EIF2B4: variants seen among roughly 807,000 people sequenced by gnomAD.
The protein encoded by EIF2B4 is translation initiation factor eIF2B subunit delta.
In EIF2B4, 34 loss-of-function variants were observed where a neutral mutation model predicts 66.7. The observed-to-expected ratio is 0.51, with a 90% CI of 0.39 to 0.68. The LOEUF is 0.68. EIF2B4 is among the 30% of genes least tolerant of loss of function. EIF2B4 has a pLI of 0.00. For synonymous variants in EIF2B4, 278 were observed against 253.6 expected, an observed-to-expected ratio of 1.10 and a Z score of -0.92; for missense variants, 618 against 657.9, an observed-to-expected ratio of 0.94 and a Z score of 0.66.
At chr2:27,364,970 A>C (rs557347741) in intron 11 of EIF2B4, 72 bp from the exon 12 acceptor site, 1 of 1,468,926 alleles carries the variant, frequency 6.8e-7, no homozygotes, top group Non-Finnish European at 9.4e-7. Context: ...CCCTACTTAC[A>C]GGACAGCAAC....
At chr2:27,364,660 C>T (rs1350637811) in intron 12 of EIF2B4, 58 bp downstream of exon 12, 7 of 1,614,146 alleles carry the variant, frequency 4.3e-6, no homozygotes, top group Non-Finnish European at 5.9e-6. Flanking sequence ...TTATCCGCCC[C>T]TCTCCCTCCC....
In EIF2B4 at chr2:27,368,748, T is replaced by A. The variant is rs371511880; in HGVS notation, c.419-15A>T. 31 of 1,613,172 alleles carry A rather than the reference T, an allele frequency of 1.9e-5. No individual in the cohort carries two copies. In the African/African-American group the frequency reaches 3.7e-4, roughly 19 times the overall value. ...ACGCTTCACTCCTGAAAGATAATCA[T>A]CATGTTTTCAGGACACTGTAGGTCT... On this transcript the variant is annotated splice_polypyrimidine_tract_variant and intron_variant, in intron 4 of 12. Coordinates refer to ENST00000347454, the MANE Select transcript of EIF2B4 (RefSeq NM_001034116.2).
intron 8 of EIF2B4, 67 bp downstream of exon 8, chr2:27,367,679 A>G (rs1681962360): frequency 1.9e-6 from 3 of 1,586,536 alleles, no homozygotes; most frequent in Non-Finnish European, 2.6e-6. Flanking sequence ...AGAGATAGAA[A>G]AGCAGGAAAA....
chr2:27,370,022 A>C (rs1234982404), intron 1 of EIF2B4, 103 bp from the exon 2 acceptor site: 1 of 1,519,714 alleles, frequency 6.6e-7, no homozygotes, highest in Non-Finnish European at 8.9e-7. Flanking sequence ...ATGACCACGG[A>C]TCCGCCGGCA....
intron 5 of EIF2B4, 91 bp downstream of exon 5, chr2:27,368,563 C>CCTAT: frequency 5.7e-6 from 9 of 1,565,508 alleles, no homozygotes; most frequent in Non-Finnish European, 7.9e-6. Context: ...GACCCAAGCA[C>CCTAT]CTATCCTTCT....
At chr2:27,369,785 C>T (rs1180572317) in intron 2 of EIF2B4, 91 bp downstream of exon 2, 2 of 1,491,296 alleles carry the variant, frequency 1.3e-6, no homozygotes, top group African/African-American at 2.8e-5. Context: ...GAGAAATAAA[C>T]CGACACGGGA....
chr2:27,368,924 G>A (rs1049908754), intron 4 of EIF2B4, 82 bp downstream of exon 4: 8 of 1,550,798 alleles, frequency 5.2e-6, no homozygotes, highest in Non-Finnish European at 7.1e-6. Context: ...AGAATGAGAG[G>A]GGAGAGCTGT....
rs758587510 is a variant in EIF2B4, at chr2:27,369,544, C to T, written c.81G>A (p.Val27=). The T allele has an allele frequency of 6.2e-7, 1 of 1,614,148 alleles. No individual in the cohort carries two copies. Among genetic ancestry groups the T allele is most frequent in the East Asian group, 2.2e-5 (1 of 44,886 alleles). ...TTTCTTCTTTGGTCATTTCCCTCCC[C>T]ACTGCCTGAGACACAGACATAGGAT... ...KAELPPGPGA[V]GREMTKEEKL... is the part of the protein sequence containing the mutation. The change falls in exon 3 of 13, where the codon GTG becomes GTA. Residue 27 remains valine (V), a synonymous_variant. Transcript: ENST00000347454.
At chr2:27,369,944 G>C (rs1169345638) in intron 1 of EIF2B4, 25 bp from the exon 2 acceptor site, 1 of 1,570,624 alleles carries the variant, frequency 6.4e-7, no homozygotes, top group Non-Finnish European at 8.6e-7. Context: ...AGGGCACAAA[G>C]TGAGCCAGAG....
chr2:27,367,636 C>A (rs1367467225), intron 8 of EIF2B4, 77 bp from the exon 9 acceptor site: 15 of 1,595,986 alleles, frequency 9.4e-6, no homozygotes, highest in Admixed American at 1.7e-5. Context: ...AAAAAAAAGT[C>A]TTTAAAAAGA....
Position 27,364,791 on chromosome 2 carries a change from TG to T in EIF2B4, c.1298del (p.Pro433GlnfsTer25). On this transcript the variant is annotated frameshift_variant, in exon 12 of 13. Coordinates refer to ENST00000347454, the MANE Select transcript of EIF2B4 (RefSeq NM_001034116.2). LOFTEE classifies it high-confidence loss of function. ...LALVARAHNV[P>X]VLVCCETYKF... ...TGTATGTTTCACAGCAAACCAGCAC[TG>T]GTACATTATGGGCTCGAGCCACCAG... The T allele has an allele frequency of 6.2e-7, 1 of 1,614,204 alleles. No homozygotes were observed. Among genetic ancestry groups the T allele is most frequent in the Non-Finnish European group, 8.5e-7 (1 of 1,180,048 alleles).
intron 10 of EIF2B4, 68 bp from the exon 11 acceptor site, chr2:27,367,004 G>C (rs1050905285): frequency 2.5e-6 from 4 of 1,613,806 alleles, no homozygotes; most frequent in Non-Finnish European, 3.4e-6. Context: ...ATTCCCAAAG[G>C]CAAGTGGGTA....
At position 27,367,770 on chromosome 2, in the gene EIF2B4, A is replaced by G. The variant is rs758593908; in HGVS notation, c.758T>C (p.Val253Ala). 3 of 1,614,140 alleles carry G rather than the reference A, an allele frequency of 1.9e-6. No homozygotes were observed. The highest frequency in any genetic ancestry group is 1.7e-6 in the Non-Finnish European group (2 of 1,180,000). The change falls in exon 8 of 13, where the codon GTG becomes GCG. Residue 253 changes from valine to alanine, a missense_variant. Val to Ala is a moderately conservative substitution (Grantham distance 64, BLOSUM62 0). Transcript: ENST00000347454. ...PPNEELSRDL[V>A]NKLKPYMSFL... Reference sequence around the variant, plus strand: ...CCTCATGTAGGGTTTTAGTTTATTCACTAGATCCCTGGAGAGTTCTTCATT... The same window carrying G: ...CCTCATGTAGGGTTTTAGTTTATTCGCTAGATCCCTGGAGAGTTCTTCATT...
rs754066143 is a variant in EIF2B4, at chr2:27,369,432, A to C, written c.193T>G (p.Ser65Ala). The C allele has an allele frequency of 3.7e-6, 6 of 1,613,994 alleles. No homozygotes were observed. Among genetic ancestry groups the C allele is most frequent in the South Asian group, 1.1e-5 (1 of 91,074 alleles). The change falls in exon 3 of 13, where the codon TCT becomes GCT. Residue 65 changes from serine to alanine, a missense_variant. Coordinates refer to ENST00000347454, the MANE Select transcript of EIF2B4 (RefSeq NM_001034116.2). ...GAEPETGSAV[S>A]AAQCQVGPTR... is the part of the protein sequence containing the mutation. ...CACTCACCTTGACATTGGGCTGCAGATACAGCAGAGCCAGTCTCTGGTTCT... is the reference window on the plus strand; with the variant it reads ...CACTCACCTTGACATTGGGCTGCAGCTACAGCAGAGCCAGTCTCTGGTTCT...
In EIF2B4 at chr2:27,368,450, T is replaced by C; in HGVS notation, c.512A>G (p.Lys171Arg). Reference protein sequence around the residue: ...KPERQQVPTRKDYGSKVSLFS... With the variant: ...KPERQQVPTRRDYGSKVSLFS... Reference sequence around the variant, plus strand: ...GAGACTGACTTTGGATCCATAATCCTTTCGTGTAGGAACCTTGACAAAACA... The same window carrying C: ...GAGACTGACTTTGGATCCATAATCCCTTCGTGTAGGAACCTTGACAAAACA... Residue 171 changes from lysine to arginine, a missense_variant, in exon 6 of 13, where the codon AAG becomes AGG. Lys to Arg is a conservative substitution (Grantham distance 26). Around this residue, in one of 4 missense-constraint regions of EIF2B4, gnomAD observed 506 missense variants for 511.9 expected, o/e 0.99. Transcript: ENST00000347454. The C allele has an allele frequency of 6.2e-7, 1 of 1,614,086 alleles. No homozygotes were observed. The highest frequency in any genetic ancestry group is 1.3e-5 in the African/African-American group (1 of 75,046).
chr2:27,364,613 C>A lies in EIF2B4; in HGVS notation c.1373-14G>T. Reference sequence around the variant, plus strand: ...CATCAGGGTCATCTGCAATGGAAGGCGTACCCATTATGTTCTTTCAGAAAA... The same window carrying A: ...CATCAGGGTCATCTGCAATGGAAGGAGTACCCATTATGTTCTTTCAGAAAA... On this transcript the variant is annotated splice_polypyrimidine_tract_variant and intron_variant, in intron 12 of 12. Transcript: ENST00000347454. The A allele has an allele frequency of 3.7e-6, 6 of 1,614,164 alleles. No homozygotes were observed. Among genetic ancestry groups the A allele is most frequent in the Non-Finnish European group, 5.1e-6 (6 of 1,180,024 alleles).
chr2:27,369,354 C>CCCA, intron 3 of EIF2B4, 60 bp downstream of exon 3: 12 of 1,612,606 alleles, frequency 7.4e-6, no homozygotes, highest in Non-Finnish European at 7.6e-6. Context: ...CCTTATCTCT[C>CCCA]CCACCACATC....
At chr2:27,367,368 A>G in intron 9 of EIF2B4, 89 bp downstream of exon 9, 1 of 1,589,004 alleles carries the variant, frequency 6.3e-7, no homozygotes, top group Non-Finnish European at 8.6e-7. Context: ...GGGCAAAAAA[A>G]GGCTTACGTT....
In EIF2B4 at chr2:27,364,768, T is replaced by C. The variant is rs1433783398; in HGVS notation, c.1322A>G (p.Tyr441Cys). Residue 441 changes from tyrosine (Y) to cysteine (C), a missense_variant, in exon 12 of 13, where the codon TAC (tyrosine) becomes TGC (cysteine). By Grantham distance (194) the Tyr-to-Cys change is radical. Around this residue, in one of 4 missense-constraint regions of EIF2B4, gnomAD observed 36 missense variants for 65.5 expected, o/e 0.55. Transcript: ENST00000347454. ...NVPVLVCCET[Y>C]KFCERVQTDA... ...AGTCTGCACACGCTCACAGAACTTG[T>C]ATGTTTCACAGCAAACCAGCACTGG... 1.9e-6 allele frequency: 3 copies of C among 1,614,176 alleles called. No individual in the cohort carries two copies. The highest frequency in any genetic ancestry group is 1.7e-5 in the Admixed American group (1 of 60,014).
Sources: gnomAD v4.1 joint callset for allele counts on GRCh38, gnomAD v4.1.1 for gene constraint, gnomAD v4.1.1 regional missense constraint, MANE v1.5 for transcripts, NCBI Gene and HGNC (gene_info 2026-07-23, HGNC 2026-07-21) for gene names.